Variants in DYTN observed in about 807,000 individuals in gnomAD.
The protein encoded by DYTN is dystrotelin.
Under a neutral mutation model 69.6 loss-of-function variants are expected in DYTN, and 75 were observed. The observed-to-expected ratio is 1.08, with a 90% CI of 0.89 to 1.31. The LOEUF (loss-of-function observed/expected upper bound fraction) is 1.31, where lower values mean the gene tolerates loss of function less well. Among genes scored for constraint, DYTN ranks in the 50% most tolerant of loss-of-function variants. DYTN has a pLI of 0.00. For missense variants in DYTN, 726 were observed against 688.4 expected, an observed-to-expected ratio of 1.05 and a Z score of -0.61; for synonymous variants, 252 against 249.1, an observed-to-expected ratio of 1.01 and a Z score of -0.11.
chr2:206,663,094 G>C lies in DYTN; in HGVS notation c.1442C>G (p.Pro481Arg), dbSNP rs749664844. Reference protein sequence around the residue: ...KMPQKVISALPSYQEGLKQDI... With the variant: ...KMPQKVISALRSYQEGLKQDI... ...CTGCTTCAGTCCCTCCTGATAACTG[G>C]GTAGGGCACTAATGACTTTCTGTGG... The change falls in exon 11 of 12, where the codon CCC becomes CGC. Residue 481 changes from proline (P) to arginine (R), a missense_variant. Physicochemically the swap from Pro to Arg is moderately radical, Grantham distance 103. Transcript: ENST00000452335. The C allele has an allele frequency of 1.9e-6, 3 of 1,613,830 alleles. No homozygotes were observed. The East Asian group carries it at 6.7e-5, about 36-fold the overall frequency.
Position 206,716,481 on chromosome 2 carries a change from G to A in DYTN, c.19+1780C>T, listed in dbSNP as rs149018408. Reference sequence around the variant, plus strand: ...AAACAAGAGAGGTTGTTTAAAAACCGTCTACATGTTTTCCTTTCTTTTTCA... The same window carrying A: ...AAACAAGAGAGGTTGTTTAAAAACCATCTACATGTTTTCCTTTCTTTTTCA... On this transcript the variant is annotated intron_variant, in intron 1 of 11. Transcript: ENST00000452335. Among the ~76,000 whole-genome samples, 77 of 152,286 alleles carry A rather than the reference G, an allele frequency of 5.1e-4. No individual in the cohort carries two copies. The East Asian group carries it at 0.015, about 29-fold the overall frequency.
intron 1 of DYTN, among the ~76,000 whole-genome samples, chr2:206,715,621 T>C (rs1192285988): frequency 6.6e-6 from 1 of 152,204 alleles, no homozygotes; most frequent in Non-Finnish European, 1.5e-5. Flanking sequence ...TTAAACACTC[T>C]CTGTAAAATC....
intron 11 of DYTN, among the ~76,000 whole-genome samples, chr2:206,655,000 C>T (rs1042964726): frequency 1.3e-5 from 2 of 152,106 alleles, no homozygotes; most frequent in African/African-American, 4.8e-5. Flanking sequence ...GCTAGGACTT[C>T]CAGTACTATG....
intron 9 of DYTN, among the ~76,000 whole-genome samples, chr2:206,687,693 A>T (rs1352018281): frequency 6.6e-6 from 1 of 152,126 alleles, no homozygotes; most frequent in African/African-American, 2.4e-5. Flanking sequence ...TATGGGGCAA[A>T]ATAAGGGCCA....
At chr2:206,710,317 C>T (rs958669449) in intron 2 of DYTN, among the ~76,000 whole-genome samples, 1 of 152,158 alleles carries the variant, frequency 6.6e-6, no homozygotes, top group African/African-American at 2.4e-5. Context: ...ATTTCTATTG[C>T]TCATCAGCAA....
At chr2:206,709,134 T>C (rs1700055078) in intron 2 of DYTN, among the ~76,000 whole-genome samples, 1 of 152,108 alleles carries the variant, frequency 6.6e-6, no homozygotes, top group Non-Finnish European at 1.5e-5. Flanking sequence ...AATTTCTTCT[T>C]CAAAGGAACC....
At chr2:206,676,674 C>G (rs1489708310) in intron 9 of DYTN, among the ~76,000 whole-genome samples, 1 of 152,060 alleles carries the variant, frequency 6.6e-6, no homozygotes, top group Non-Finnish European at 1.5e-5. Flanking sequence ...TTCAGTTATG[C>G]AAGATAAGCA....
intron 11 of DYTN, among the ~76,000 whole-genome samples, chr2:206,659,484 C>CAAAAAAAA (rs772861150): frequency 3.1e-5 from 2 of 64,572 alleles, no homozygotes; most frequent in African/African-American, 1.1e-4. Flanking sequence ...CAACAATTCT[C>CAAAAAAAA]AAAAAAAAAA....
At chr2:206,664,652 AC>A (rs1204472670) in intron 10 of DYTN, among the ~76,000 whole-genome samples, 2 of 152,162 alleles carry the variant, frequency 1.3e-5, no homozygotes, top group African/African-American at 4.8e-5. Flanking sequence ...ACAGAGCAAG[AC>A]CCTGTCTAAA....
In DYTN at chr2:206,668,881, C is replaced by T. The variant is rs191904945; in HGVS notation, c.981-2852G>A. Among the ~76,000 whole-genome samples, 26 of 152,222 alleles carry T rather than the reference C, an allele frequency of 1.7e-4. No homozygotes were observed. In the East Asian group the frequency reaches 1.7e-3, roughly 10 times the overall value. On this transcript the variant is annotated intron_variant, in intron 9 of 11. Coordinates refer to ENST00000452335, the MANE Select transcript of DYTN (RefSeq NM_001093730.1). ...ATCTGATGGTTTTATAAGCATCTGG[C>T]GTTTCCCCCGCTTGTCCTCACTCCA...
chr2:206,657,072 A>G (rs1436620000), intron 11 of DYTN, among the ~76,000 whole-genome samples: 1 of 151,420 alleles, frequency 6.6e-6, no homozygotes, highest in Non-Finnish European at 1.5e-5. Flanking sequence ...ATCCCCATAC[A>G]CTTTTCTTTT....
At chr2:206,687,779 G>A (rs868256793) in intron 9 of DYTN, among the ~76,000 whole-genome samples, 7 of 151,972 alleles carry the variant, frequency 4.6e-5, no homozygotes, top group African/African-American at 1.7e-4. Flanking sequence ...CATATATTAG[G>A]TTCCCATATA....
At chr2:206,697,568 C>G (rs1230685589) in intron 7 of DYTN, among the ~76,000 whole-genome samples, 1 of 152,130 alleles carries the variant, frequency 6.6e-6, no homozygotes. Context: ...TATATCCAGG[C>G]AATTTTTAAT....
intron 11 of DYTN, among the ~76,000 whole-genome samples, chr2:206,658,392 T>C (rs894202535): frequency 4.9e-4 from 74 of 152,166 alleles, no homozygotes; most frequent in African/African-American, 1.8e-3. Flanking sequence ...TTCTTCTTCT[T>C]TACTCTTTAT....
chr2:206,714,172 A>G (rs1271468951), intron 1 of DYTN, among the ~76,000 whole-genome samples: 3 of 152,082 alleles, frequency 2.0e-5, no homozygotes, highest in East Asian at 1.9e-4. Flanking sequence ...GAGATCTAAC[A>G]GTGTCTCTGT....
chr2:206,700,185 A>G lies in DYTN; in HGVS notation c.515T>C (p.Leu172Pro). Residue 172 changes from leucine to proline, a missense_variant, in exon 6 of 12, where the codon CTG (leucine) becomes CCG (proline). Transcript: ENST00000452335. ...IPTFVGESRA[L>P]CPVESATRSC... ...GCGGGTGGCACTTTCCACAGGGCACAGAGCACGACTCTCTCCCACGAAAGT... is the reference window on the plus strand; with the variant it reads ...GCGGGTGGCACTTTCCACAGGGCACGGAGCACGACTCTCTCCCACGAAAGT... The G allele has an allele frequency of 6.2e-7, 1 of 1,613,954 alleles. No homozygotes were observed. Among genetic ancestry groups the G allele is most frequent in the Non-Finnish European group, 8.5e-7 (1 of 1,179,824 alleles).
At chr2:206,708,448 A>C (rs561171805) in intron 2 of DYTN, among the ~76,000 whole-genome samples, 1 of 152,358 alleles carries the variant, frequency 6.6e-6, no homozygotes, top group South Asian at 2.1e-4. Context: ...AAGTATAATA[A>C]AAATTTTTAT....
chr2:206,671,001 C>A (rs1051449872), intron 9 of DYTN, among the ~76,000 whole-genome samples: 2 of 152,114 alleles, frequency 1.3e-5, no homozygotes, highest in Non-Finnish European at 2.9e-5. Context: ...CTTTTCAAAT[C>A]CACCAAGTGT....
intron 1 of DYTN, among the ~76,000 whole-genome samples, chr2:206,714,238 G>A (rs553368035): frequency 6.6e-6 from 1 of 152,050 alleles, no homozygotes; most frequent in Non-Finnish European, 1.5e-5. Context: ...ACGGAGTCTC[G>A]CTCTGTCACC....
Sources: allele counts gnomAD v4.1 joint callset (sites outside exome capture counted in the v4.1 genomes callset), GRCh38; gene constraint gnomAD v4.1.1; transcripts MANE v1.5; gene names NCBI Gene and HGNC (gene_info 2026-07-23, HGNC 2026-07-21).